PGRMC2: variants seen among roughly 807,000 people sequenced by gnomAD.
PGRMC2 encodes membrane-associated progesterone receptor component 2.
PGRMC2 carries 9 observed loss-of-function variants against 19.3 expected under a neutral mutation model. The observed-to-expected ratio is 0.47, with a 90% CI of 0.28 to 0.81. The LOEUF (loss-of-function observed/expected upper bound fraction) is 0.81. Ranked by LOEUF, PGRMC2 falls within the 40% of genes least tolerant of loss-of-function variation. PGRMC2 has a pLI of 0.11. For missense variants in PGRMC2, 289 were observed against 297.3 expected, an observed-to-expected ratio of 0.97 and a Z score of 0.21; for synonymous variants, 157 against 124.6, an observed-to-expected ratio of 1.26 and a Z score of -1.73.
In PGRMC2 at chr4:128,277,723, A is replaced by T. The variant is rs1760833997; in HGVS notation, c.419-5206T>A. Among the ~76,000 whole-genome samples, 3 of 152,208 alleles carry T rather than the reference A, an allele frequency of 2.0e-5. No individual in the cohort carries two copies. In the East Asian group the frequency reaches 5.8e-4, roughly 29 times the overall value. On this transcript the variant is annotated intron_variant, in intron 1 of 2. Transcript: ENST00000296425. ...AATGAGGCAATATGTAAAAGTGATT[A>T]ACTGAACTAATAAATTTTTTTATGC...
intron 1 of PGRMC2, among the ~76,000 whole-genome samples, chr4:128,284,360 C>G (rs1188524093): frequency 6.6e-6 from 1 of 152,210 alleles, no homozygotes; most frequent in Non-Finnish European, 1.5e-5. Context: ...ACCAACTTCA[C>G]TGAGGAATTA....
intron 1 of PGRMC2, among the ~76,000 whole-genome samples, chr4:128,280,518 AAAAGT>A (rs1344054338): frequency 2.0e-5 from 3 of 152,146 alleles, no homozygotes; most frequent in Admixed American, 1.3e-4. Context: ...AAAGATTAAT[AAAAGT>A]AAAGAGAAAC....
chr4:128,277,625 A>G (rs952931984), intron 1 of PGRMC2, among the ~76,000 whole-genome samples: 1 of 152,240 alleles, frequency 6.6e-6, no homozygotes, highest in African/African-American at 2.4e-5. Flanking sequence ...TTTTGTGATT[A>G]TAAATTGAGT....
At chr4:128,285,451 G>C (rs553950313) in intron 1 of PGRMC2, among the ~76,000 whole-genome samples, 1 of 152,278 alleles carries the variant, frequency 6.6e-6, no homozygotes, top group African/African-American at 2.4e-5. Context: ...TTCTATCACA[G>C]AACAAACGTT....
At chr4:128,286,388 A>T (rs1306519869) in intron 1 of PGRMC2, among the ~76,000 whole-genome samples, 1 of 152,028 alleles carries the variant, frequency 6.6e-6, no homozygotes, top group Non-Finnish European at 1.5e-5. Flanking sequence ...CTACAACCAC[A>T]CTGTAAAAAA....
chr4:128,286,085 A>G (rs1367102262), intron 1 of PGRMC2, among the ~76,000 whole-genome samples: 2 of 150,934 alleles, frequency 1.3e-5, no homozygotes, highest in East Asian at 3.9e-4. Flanking sequence ...TGAAATCAGA[A>G]GTATATATTT....
At chr4:128,283,449 T>C (rs1329644688) in intron 1 of PGRMC2, among the ~76,000 whole-genome samples, 1 of 152,222 alleles carries the variant, frequency 6.6e-6, no homozygotes, top group Non-Finnish European at 1.5e-5. Flanking sequence ...AGGTGCCTTG[T>C]TAGTGCAGTA....
At chr4:128,282,426 T>C (rs920884632) in intron 1 of PGRMC2, among the ~76,000 whole-genome samples, 2 of 152,244 alleles carry the variant, frequency 1.3e-5, no homozygotes, top group Non-Finnish European at 2.9e-5. Context: ...CCACCCTGAA[T>C]AACAGCTTCT....
intron 1 of PGRMC2, among the ~76,000 whole-genome samples, chr4:128,275,944 T>C (rs1431098887): frequency 6.6e-6 from 1 of 152,180 alleles, no homozygotes; most frequent in Non-Finnish European, 1.5e-5. Context: ...CCAGCTGATC[T>C]TGAACTCCTG....
chr4:128,287,554 A>ACCCCCCCCCCCC lies in PGRMC2; in HGVS notation c.236_237insGGGGGGGGGGGG (p.Gly79_Leu80insGlyGlyGlyGly). 1 of 924,840 alleles carries ACCCCCCCCCCCC rather than the reference A, an allele frequency of 1.1e-6. No individual in the cohort carries two copies. The highest frequency in any genetic ancestry group is 1.5e-6 in the Non-Finnish European group (1 of 672,998). The allele number at this position is 924,840 out of a possible 1,614,324, so 57.3% of individuals were successfully genotyped here. ...CGCCCGCCCCGGCCCCGGCCCCCAGACCCCGCCGCCCCCAGCGCACCCACA... is the reference window on the plus strand; with the variant it reads ...CGCCCGCCCCGGCCCCGGCCCCCAGACCCCCCCCCCCCCCCCGCCGCCCCCAGCGCACCCACA... On this transcript the variant is annotated inframe_insertion, in exon 1 of 3. Coordinates refer to ENST00000296425, the MANE Select transcript of PGRMC2 (RefSeq NM_006320.6).
chr4:128,276,582 C>T (rs1760816970), intron 1 of PGRMC2, among the ~76,000 whole-genome samples: 1 of 152,190 alleles, frequency 6.6e-6, no homozygotes, highest in Non-Finnish European at 1.5e-5. Context: ...CTCAACCTCC[C>T]ACAGTGCTGG....
In PGRMC2 at chr4:128,287,659, C is replaced by A. The variant is rs2110567250; in HGVS notation, c.132G>T (p.Ala44=). 2 of 1,534,434 alleles carry A rather than the reference C, an allele frequency of 1.3e-6. No individual in the cohort carries two copies. Among genetic ancestry groups the A allele is most frequent in the Non-Finnish European group, 1.7e-6 (2 of 1,143,952 alleles). Residue 44 remains alanine, a synonymous_variant, in exon 1 of 3, where the codon GCG becomes GCT. Coordinates refer to ENST00000296425, the MANE Select transcript of PGRMC2 (RefSeq NM_006320.6). ...CCCCGCCCCCCGTCAGAAGCGCCAA[C>A]GCCGCCGCCGCCCAGCCTCCCCCTT... is the stretch of plus-strand genomic sequence containing the variant. ...AAEGGGWAAA[A]LALLTGGGEM... is the part of the protein sequence containing the mutation.
At chr4:128,279,494 TA>T (rs1760871618) in intron 1 of PGRMC2, among the ~76,000 whole-genome samples, 1 of 152,114 alleles carries the variant, frequency 6.6e-6, no homozygotes, top group African/African-American at 2.4e-5. Flanking sequence ...GAATCCAAAT[TA>T]AAAATATCCA....
In PGRMC2 at chr4:128,287,625, G is replaced by A. The variant is rs1175311459; in HGVS notation, c.166C>T (p.Leu56=). ...ACCAGAGCCACCAGCGCCACGTTCA[G>A]CAGCATTTCCCCGCCCCCCGTCAGA... is the stretch of plus-strand genomic sequence containing the variant. ...ALLTGGGEML[L]NVALVALVLL... is the part of the protein sequence containing the mutation. Residue 56 remains leucine (L), a synonymous_variant, in exon 1 of 3, where the codon CTG becomes TTG. Coordinates refer to ENST00000296425, the MANE Select transcript of PGRMC2 (RefSeq NM_006320.6). The A allele has an allele frequency of 6.5e-7, 1 of 1,529,028 alleles. No homozygotes were observed. The highest frequency in any genetic ancestry group is 8.8e-7 in the Non-Finnish European group (1 of 1,142,346). The allele number at this position is 1,529,028 out of a possible 1,614,324, so 94.7% of individuals were successfully genotyped here. A position where few individuals can be genotyped will look rare whatever the true frequency, so the allele number is the denominator to read the frequency against.
At chr4:128,278,891 T>C (rs1454700062) in intron 1 of PGRMC2, among the ~76,000 whole-genome samples, 2 of 152,170 alleles carry the variant, frequency 1.3e-5, no homozygotes, top group Non-Finnish European at 2.9e-5. Flanking sequence ...ACCTAAAATC[T>C]GTACGATCAA....
rs1422226226 is a variant in PGRMC2 at position 128,269,551 on chromosome 4, A to C, written c.*1765T>G. ...AGATAACTTTCTACAAAACACTCCA[A>C]GACTGAATAGAATGTAGTATTTTAC... is the stretch of plus-strand genomic sequence containing the variant. On this transcript the variant is annotated 3_prime_UTR_variant, in exon 3 of 3. Transcript: ENST00000296425. 1.3e-5 allele frequency: 2 copies of C among 152,306 alleles called. No individual in the cohort carries two copies. The highest frequency in any genetic ancestry group is 2.9e-5 in the Non-Finnish European group (2 of 68,014). 9.4% of individuals were successfully genotyped at this position (152,306 alleles called of 1,614,324 possible). A position where few individuals can be genotyped will look rare whatever the true frequency, so the allele number is the denominator to read the frequency against.
chr4:128,277,642 T>C (rs543565665), intron 1 of PGRMC2, among the ~76,000 whole-genome samples: 96 of 152,346 alleles, frequency 6.3e-4, no homozygotes, highest in African/African-American at 2.3e-3. Flanking sequence ...GAGTAACTAA[T>C]AACACTTAGT....
In PGRMC2 at chr4:128,271,422, T is replaced by C. The variant is rs1299504068; in HGVS notation, c.575-9A>G. ...TACATAATCATATTTTTCTGAAAGA[T>C]ACATCAAAAGAAAATCAGTGGTGAT... On this transcript the variant is annotated splice_polypyrimidine_tract_variant and intron_variant, in intron 2 of 2. Transcript: ENST00000296425. The C allele has an allele frequency of 3.4e-6, 5 of 1,469,768 alleles. No homozygotes were observed. Among genetic ancestry groups the C allele is most frequent in the South Asian group, 1.1e-5 (1 of 87,354 alleles). The allele number at this position is 1,469,768 out of a possible 1,614,324, so 91.0% of individuals were successfully genotyped here.
chr4:128,274,379 C>T (rs890956997), intron 1 of PGRMC2, among the ~76,000 whole-genome samples: 3 of 152,072 alleles, frequency 2.0e-5, no homozygotes, highest in South Asian at 2.1e-4. Context: ...GCTGTGGTGG[C>T]GCACGCCTGT....
Sources: gnomAD v4.1 joint callset for allele counts (sites outside exome capture counted in the v4.1 genomes callset) on GRCh38, gnomAD v4.1.1 for gene constraint, MANE v1.5 for transcripts, NCBI Gene and HGNC (gene_info 2026-07-23, HGNC 2026-07-21) for gene names.